The following CPNE4 variants were observed in gnomAD, a reference collection of about 807,000 sequenced individuals.
CPNE4 encodes the protein copine-4.
A neutral mutation model predicts 67.9 loss-of-function variants in CPNE4; 25 were observed. The ratio of observed to expected loss-of-function variants is 0.37; its 90% CI spans 0.27 to 0.51. CPNE4 has a LOEUF of 0.51. Among genes scored for constraint, CPNE4 ranks in the 20% least tolerant of loss-of-function variants. The pLI is 0.93. For synonymous variants in CPNE4, 242 were observed against 244.9 expected (o/e 0.99, Z 0.11); for missense variants, 464 against 690.8 (o/e 0.67, Z 3.68).
At chr3:131,806,514 C>T (rs1583233585) in intron 2 of CPNE4, among the ~76,000 whole-genome samples, 1 of 142,782 alleles carries the variant, frequency 7.0e-6, no homozygotes. Flanking sequence ...TGTGCCACTG[C>T]ACTCCAGCCT....
At chr3:131,836,772 G>A (rs2085571857) in intron 2 of CPNE4, among the ~76,000 whole-genome samples, 1 of 152,104 alleles carries the variant, frequency 6.6e-6, no homozygotes, top group South Asian at 2.1e-4. Context: ...GCACTGTTAT[G>A]AGAATGAAAA....
chr3:131,609,600 CT>C (rs1489928777), intron 7 of CPNE4, among the ~76,000 whole-genome samples: 1 of 152,124 alleles, frequency 6.6e-6, no homozygotes, highest in Non-Finnish European at 1.5e-5. Context: ...AGAAACACAT[CT>C]TCATTTTACT....
intron 1 of CPNE4, among the ~76,000 whole-genome samples, chr3:132,029,230 T>C (rs1560813797): frequency 6.6e-6 from 1 of 152,188 alleles, no homozygotes; most frequent in Non-Finnish European, 1.5e-5. Context: ...CGAGGAGTTT[T>C]GAGAGTAGTC....
chr3:132,012,914 C>T (rs571857721), intron 1 of CPNE4, among the ~76,000 whole-genome samples: 2 of 152,126 alleles, frequency 1.3e-5, no homozygotes, highest in South Asian at 2.1e-4. Context: ...CTAATAACAG[C>T]GGCATATTTA....
chr3:131,692,828 C>A (rs968243558), intron 5 of CPNE4, among the ~76,000 whole-genome samples: 1 of 152,076 alleles, frequency 6.6e-6, no homozygotes, highest in Admixed American at 6.6e-5. Flanking sequence ...CCACCAGTGT[C>A]GGAATTAGTT....
chr3:132,020,105 A>G (rs1024199936), intron 1 of CPNE4, among the ~76,000 whole-genome samples: 2 of 67,406 alleles, frequency 3.0e-5, no homozygotes, highest in Non-Finnish European at 6.0e-5. Context: ...CTCTTCCCAA[A>G]TGGAAAAAAG....
chr3:132,038,812 G>T (rs143812981), upstream of CPNE4, among the ~76,000 whole-genome samples: 1,040 of 152,130 alleles, frequency 6.8e-3, 16 homozygotes, highest in African/African-American at 0.024. Context: ...GCTGTTATCT[G>T]CCCAGCCTAT....
chr3:131,554,612 T>G lies in CPNE4; in HGVS notation c.1116+885A>C, dbSNP rs568332630. On this transcript the variant is annotated intron_variant, in intron 12 of 15. Transcript: ENST00000429747. ...CTCTAGGAGCAACAGGGATATTGAT[T>G]TCCTCTTTCAAAAAGGATACCTAAG... 7.2e-4 allele frequency among the ~76,000 whole-genome samples: 109 copies of G among 152,190 alleles called. 1 individual carries two copies. Among genetic ancestry groups the G allele is most frequent in the Non-Finnish European group, 1.0e-3 (70 of 67,970 alleles).
rs2081163614 is a variant in CPNE4, at chr3:131,696,569, T to A, written c.480A>T (p.Ala160=). ...TGTCATCCAATTTCCGTGCATTGAATGCAAGCTCAACATAGTCGTCATTGC... is the reference window on the plus strand; with the variant it reads ...TGTCATCCAATTTCCGTGCATTGAAAGCAAGCTCAACATAGTCGTCATTGC... The part of the protein sequence containing the change: ...LSGNDDYVEL[A]FNARKLDDKD... The change falls in exon 5 of 16, where the codon GCA becomes GCT. Residue 160 remains alanine (A), a synonymous_variant. Transcript: ENST00000429747. 6.2e-7 allele frequency: 1 copy of A among 1,614,070 alleles called. No individual in the cohort carries two copies. The highest frequency in any genetic ancestry group is 1.3e-5 in the African/African-American group (1 of 75,054).
intron 7 of CPNE4, among the ~76,000 whole-genome samples, chr3:131,662,099 G>T (rs2080141742): frequency 6.6e-6 from 1 of 152,056 alleles, no homozygotes; most frequent in African/African-American, 2.4e-5. Context: ...GAAACAGAAA[G>T]AAAACAAACA....
intron 1 of CPNE4, among the ~76,000 whole-genome samples, chr3:131,973,611 C>T (rs931813170): frequency 6.6e-6 from 1 of 152,180 alleles, no homozygotes; most frequent in African/African-American, 2.4e-5. Context: ...GAGCTGGTGG[C>T]AGAGCTGGTA....
At chr3:131,885,590 T>C (rs1484816223) in intron 2 of CPNE4, among the ~76,000 whole-genome samples, 3 of 152,118 alleles carry the variant, frequency 2.0e-5, no homozygotes, top group Non-Finnish European at 2.9e-5. Flanking sequence ...GTGCACATTG[T>C]GCAGGTTAGT....
At chr3:131,596,351 G>C (rs1470207330) in intron 7 of CPNE4, among the ~76,000 whole-genome samples, 1 of 116,774 alleles carries the variant, frequency 8.6e-6, no homozygotes, top group Non-Finnish European at 1.7e-5. Context: ...GGCCGGGCGC[G>C]GTGGCTCACG....
intron 1 of CPNE4, among the ~76,000 whole-genome samples, chr3:131,963,605 A>C (rs2072249224): frequency 6.6e-6 from 1 of 152,286 alleles, no homozygotes; most frequent in African/African-American, 2.4e-5. Context: ...TTCCACTCAC[A>C]GTGTTAAGCA....
chr3:131,734,560 T>C (rs1222600120), intron 2 of CPNE4, among the ~76,000 whole-genome samples: 1 of 152,006 alleles, frequency 6.6e-6, no homozygotes, highest in Admixed American at 6.6e-5. Flanking sequence ...TAATTTTTAG[T>C]AGAGGAATAT....
At chr3:131,577,611 A>G (rs938825579) in intron 9 of CPNE4, among the ~76,000 whole-genome samples, 21 of 152,264 alleles carry the variant, frequency 1.4e-4, no homozygotes, top group Admixed American at 8.5e-4. Flanking sequence ...AATAAATGGC[A>G]CACCTGTATA....
intron 3 of CPNE4, among the ~76,000 whole-genome samples, chr3:131,700,210 T>A (rs1303600029): frequency 2.0e-5 from 3 of 152,032 alleles, no homozygotes; most frequent in Non-Finnish European, 4.4e-5. Flanking sequence ...AGTGAAGAAT[T>A]ACAGATAATG....
At chr3:131,923,367 G>GC (rs2070793580) in intron 1 of CPNE4, among the ~76,000 whole-genome samples, 1 of 152,180 alleles carries the variant, frequency 6.6e-6, no homozygotes, top group Non-Finnish European at 1.5e-5. Context: ...AGAATGTGGA[G>GC]CAGGGACTAT....
At chr3:131,554,835 C>T (rs542533301) in intron 12 of CPNE4, among the ~76,000 whole-genome samples, 1 of 152,094 alleles carries the variant, frequency 6.6e-6, no homozygotes, top group Non-Finnish European at 1.5e-5. Context: ...CCCTGTCCAC[C>T]TAGTGGGCAC....
Sources: gnomAD v4.1 joint callset for allele counts (sites outside exome capture counted in the v4.1 genomes callset) on GRCh38, gnomAD v4.1.1 for gene constraint, MANE v1.5 for transcripts, NCBI Gene and HGNC (gene_info 2026-07-23, HGNC 2026-07-21) for gene names.